The following PACRG variants were observed in gnomAD, a reference collection of about 807,000 sequenced individuals.
PACRG encodes the protein parkin coregulated gene protein.
PACRG carries 29 observed loss-of-function variants against 29.7 expected under a neutral mutation model. The observed-to-expected ratio is 0.98, with a 90% CI of 0.73 to 1.33. The LOEUF is 1.33. PACRG is among the 40% of genes most tolerant of loss of function. The pLI, the probability that PACRG is intolerant of heterozygous loss-of-function variation, is 0.00. For missense variants in PACRG, 279 were observed against 316.2 expected (o/e 0.88, Z 0.89); for synonymous variants, 116 against 118.7 (o/e 0.98, Z 0.15).
intron 4 of PACRG, among the ~76,000 whole-genome samples, chr6:163,089,727 T>C (rs1292498660): frequency 3.9e-5 from 6 of 152,238 alleles, no homozygotes; most frequent in East Asian, 1.9e-4. Context: ...TTTGAGTTTG[T>C]TCTTTTTCTT....
intron 2 of PACRG, among the ~76,000 whole-genome samples, chr6:162,919,870 C>T (rs2128091749): frequency 6.6e-6 from 1 of 152,048 alleles, no homozygotes; most frequent in South Asian, 2.1e-4. Flanking sequence ...ATAACAGGGT[C>T]AATATATTAA....
At chr6:162,830,365 A>G (rs759846765) in intron 2 of PACRG, among the ~76,000 whole-genome samples, 6 of 152,298 alleles carry the variant, frequency 3.9e-5, no homozygotes, top group South Asian at 2.1e-4. Context: ...ACATGGCTCC[A>G]GCCATACTGG....
At chr6:162,928,728 A>G (rs1261944574) in intron 2 of PACRG, among the ~76,000 whole-genome samples, 3 of 151,980 alleles carry the variant, frequency 2.0e-5, no homozygotes, top group Admixed American at 2.0e-4. Context: ...ATCATATTGT[A>G]TATGGCTATA....
chr6:163,309,096 G>A (rs754863575), intron 4 of PACRG, among the ~76,000 whole-genome samples: 2 of 152,172 alleles, frequency 1.3e-5, no homozygotes, highest in Non-Finnish European at 2.9e-5. Flanking sequence ...GGAACACATG[G>A]CAAGGCGATT....
At chr6:162,798,445 C>T (rs1309831221) in intron 1 of PACRG, among the ~76,000 whole-genome samples, 2 of 152,176 alleles carry the variant, frequency 1.3e-5, no homozygotes, top group Non-Finnish European at 2.9e-5. Context: ...TATTTCCTCT[C>T]TCTCCTTCCT....
At chr6:163,023,223 C>T (rs1806806815) in intron 2 of PACRG, among the ~76,000 whole-genome samples, 1 of 152,128 alleles carries the variant, frequency 6.6e-6, no homozygotes, top group Non-Finnish European at 1.5e-5. Context: ...TAACCCACCC[C>T]CCTCCTTCCA....
intron 4 of PACRG, among the ~76,000 whole-genome samples, chr6:163,229,767 T>C (rs1266921664): frequency 6.6e-6 from 1 of 152,176 alleles, no homozygotes; most frequent in East Asian, 1.9e-4. Flanking sequence ...AAAAGATGGA[T>C]GAGGAAAGCG....
At chr6:163,239,414 TAA>T (rs1013440980) in intron 4 of PACRG, among the ~76,000 whole-genome samples, 2 of 150,496 alleles carry the variant, frequency 1.3e-5, no homozygotes, top group African/African-American at 4.9e-5. Context: ...ACCACCTCTA[TAA>T]GAGACTCCAC....
chr6:162,754,037 T>A (rs1258688221), intron 1 of PACRG, among the ~76,000 whole-genome samples: 2 of 152,168 alleles, frequency 1.3e-5, no homozygotes, highest in Admixed American at 1.3e-4. Context: ...GTAGTTCTGT[T>A]TTTAGTTTAT....
At chr6:163,041,037 A>G (rs1328402687) in intron 2 of PACRG, among the ~76,000 whole-genome samples, 1 of 152,114 alleles carries the variant, frequency 6.6e-6, no homozygotes, top group Admixed American at 6.5e-5. Context: ...CTTATCTCAA[A>G]TTATAATCCC....
At chr6:163,007,979 T>G (rs1805274996) in intron 2 of PACRG, among the ~76,000 whole-genome samples, 1 of 152,126 alleles carries the variant, frequency 6.6e-6, no homozygotes, top group Admixed American at 6.5e-5. Flanking sequence ...CTCTCAAGAC[T>G]TCCTAAATGT....
intron 2 of PACRG, among the ~76,000 whole-genome samples, chr6:162,867,564 T>G (rs1480153692): frequency 3.9e-5 from 6 of 152,184 alleles, no homozygotes; most frequent in African/African-American, 1.4e-4. Context: ...GCTCCCAGAC[T>G]ATTCAAAAGG....
intron 4 of PACRG, among the ~76,000 whole-genome samples, chr6:163,112,614 C>T (rs1409272405): frequency 6.6e-6 from 1 of 152,068 alleles, no homozygotes; most frequent in Non-Finnish European, 1.5e-5. Context: ...CATTTAAAAG[C>T]AATCACATGT....
At chr6:163,289,699 T>C (rs1170113258) in intron 4 of PACRG, among the ~76,000 whole-genome samples, 1 of 151,636 alleles carries the variant, frequency 6.6e-6, no homozygotes, top group African/African-American at 2.4e-5. Context: ...CAGGAGGGAG[T>C]TATTCTGCTC....
intron 3 of PACRG, among the ~76,000 whole-genome samples, chr6:163,082,345 G>GCCAA (rs1236655890): frequency 1.3e-5 from 2 of 152,036 alleles, no homozygotes; most frequent in Non-Finnish European, 2.9e-5. Flanking sequence ...TTACCAAAGG[G>GCCAA]CCAAGCACAT....
chr6:162,741,478 G>GA (rs1780592023), intron 1 of PACRG, among the ~76,000 whole-genome samples: 2 of 151,844 alleles, frequency 1.3e-5, no homozygotes, highest in African/African-American at 4.8e-5. Flanking sequence ...TCCTCACATG[G>GA]CTTTCCTCCA....
intron 2 of PACRG, among the ~76,000 whole-genome samples, chr6:163,008,471 G>C (rs1805328068): frequency 6.6e-6 from 1 of 151,448 alleles, no homozygotes; most frequent in Non-Finnish European, 1.5e-5. Flanking sequence ...GTGAAAAGAG[G>C]GTCATCTATA....
intron 4 of PACRG, among the ~76,000 whole-genome samples, chr6:163,135,571 G>A (rs1318942532): frequency 6.6e-6 from 1 of 152,140 alleles, no homozygotes; most frequent in Non-Finnish European, 1.5e-5. Context: ...CATTTTAAAT[G>A]TTTCTCCTTT....
intron 2 of PACRG, among the ~76,000 whole-genome samples, chr6:162,958,650 A>T (rs1800254114): frequency 6.6e-6 from 1 of 151,774 alleles, no homozygotes. Flanking sequence ...AGGATAAAGC[A>T]GCAATCAAAA....
Sources: gnomAD v4.1 joint callset for allele counts (sites outside exome capture counted in the v4.1 genomes callset) on GRCh38, gnomAD v4.1.1 for gene constraint, MANE v1.5 for transcripts, NCBI Gene and HGNC (gene_info 2026-07-23, HGNC 2026-07-21) for gene names.